CAPN6: variants seen among roughly 807,000 people sequenced by gnomAD.
CAPN6 encodes calpain-6.
Under a neutral mutation model 46.0 loss-of-function variants are expected in CAPN6, and 16 were observed. The ratio of observed to expected loss-of-function variants is 0.35; its 90% CI spans 0.24 to 0.53. CAPN6 has a LOEUF of 0.53. CAPN6 is among the 20% of genes least tolerant of loss of function. CAPN6 has a pLI of 0.94. For synonymous variants in CAPN6, 206 were observed against 172.8 expected, an observed-to-expected ratio of 1.19 and a Z score of -1.51; for missense variants, 461 against 498.0, an observed-to-expected ratio of 0.93 and a Z score of 0.71.
Position 111,248,688 on chromosome X carries a change from T to C in CAPN6, c.1365A>G (p.Thr455=), listed in dbSNP as rs772570297. The change falls in exon 10 of 13, where the codon ACA becomes ACG. Residue 455 remains threonine, a synonymous_variant. Transcript: ENST00000324068. ...TCTTCAGGTACTTGCTCAGAAACAC[T>C]GTGCGGGTGTCAATATAGGTGGAAG... The part of the protein sequence containing the change: ...AGTSTYIDTR[T]VFLSKYLKKG... 9.1e-6 allele frequency: 11 copies of C among 1,208,759 alleles called. No homozygotes were observed. Among genetic ancestry groups the C allele is most frequent in the Non-Finnish European group, 1.0e-5 (9 of 894,659 alleles).
intron 2 of CAPN6, among the ~76,000 whole-genome samples, chrX:111,255,409 A>C (rs1433905789): frequency 6.2e-5 from 7 of 112,344 alleles, no homozygotes; most frequent in Admixed American, 4.7e-4. Context: ...ATGACACTAC[A>C]TAGTTGAAGA....
At chrX:111,248,409 C>T (rs192862968) in intron 10 of CAPN6, among the ~76,000 whole-genome samples, 160 bp downstream of exon 10, 52 of 112,498 alleles carry the variant, frequency 4.6e-4, no homozygotes, top group African/African-American at 1.5e-3. Context: ...CCCCCAACCA[C>T]CCTTTGAGAA....
intron 2 of CAPN6, among the ~76,000 whole-genome samples, chrX:111,259,389 C>T (rs1408584798): frequency 8.9e-6 from 1 of 112,413 alleles, no homozygotes; most frequent in African/African-American, 3.2e-5. Context: ...GCCAAAACTA[C>T]TATACCTAGG....
chrX:111,251,449 T>A, intron 6 of CAPN6, 100 bp downstream of exon 6: 1 of 901,375 alleles, frequency 1.1e-6, no homozygotes, highest in East Asian at 3.1e-5. Context: ...AGCCCACAGA[T>A]GTCACTGAGC....
At chrX:111,260,126 C>G in intron 2 of CAPN6, among the ~76,000 whole-genome samples, 1 of 112,372 alleles carries the variant, frequency 8.9e-6, no homozygotes, top group South Asian at 3.7e-4. Context: ...GAACTTTCCT[C>G]TGGAGGGTAT....
At chrX:111,247,796 G>T in intron 11 of CAPN6, 75 bp downstream of exon 11, 1 of 1,113,652 alleles carries the variant, frequency 9.0e-7, no homozygotes, top group South Asian at 2.0e-5. Flanking sequence ...AAAATCATTT[G>T]TGATCATGTT....
At chrX:111,248,524 T>C (rs748876211) in intron 10 of CAPN6, 45 bp downstream of exon 10, 2 of 1,017,022 alleles carry the variant, frequency 2.0e-6, no homozygotes. Context: ...GGATTGGAAG[T>C]AAAGCAAAGA....
At position 111,252,391 on chromosome X, in the gene CAPN6, A is replaced by C; in HGVS notation, c.615T>G (p.Thr205=). The C allele has an allele frequency of 8.3e-7, 1 of 1,209,197 alleles. No individual in the cohort carries two copies. The highest frequency in any genetic ancestry group is 1.1e-6 in the Non-Finnish European group (1 of 893,132). Residue 205 remains threonine (T), a synonymous_variant, in exon 5 of 13, where the codon ACT becomes ACG. Transcript: ENST00000324068. ...ETVDMQKGRY[T]ELVEEKYKLF... ...GCTTGTACTTCTCCTCAACAAGCTC[A>C]GTGTATCTTCCTTTCTGCATGTCAA...
chrX:111,249,785 C>A (rs780030151), intron 8 of CAPN6, among the ~76,000 whole-genome samples: 8 of 107,382 alleles, frequency 7.5e-5, no homozygotes, highest in Non-Finnish European at 1.5e-4. Flanking sequence ...CCACTGCACT[C>A]CAGCCTGGGC....
At chrX:111,254,540 G>A (rs1416349973) in intron 2 of CAPN6, 137 bp from the exon 3 acceptor site, 6 of 438,221 alleles carry the variant, frequency 1.4e-5, no homozygotes, top group African/African-American at 9.8e-5. Context: ...CCATAGATGG[G>A]ATGAAGGGAA....
At chrX:111,253,468 A>C (rs965221763) in intron 3 of CAPN6, among the ~76,000 whole-genome samples, 3 of 112,559 alleles carry the variant, frequency 2.7e-5, no homozygotes, top group African/African-American at 9.7e-5. Context: ...GGCTGGGACA[A>C]CCAGTTAGTG....
intron 1 of CAPN6, 40 bp from the exon 2 acceptor site, chrX:111,263,991 C>T (rs1157603549): frequency 8.2e-6 from 8 of 970,070 alleles, no homozygotes; most frequent in East Asian, 3.3e-5. Context: ...GGAAGAATTT[C>T]TCAGGTCTTT....
chrX:111,267,432 G>A (rs181299937), intron 1 of CAPN6, among the ~76,000 whole-genome samples: 10 of 111,576 alleles, frequency 9.0e-5, no homozygotes, highest in Admixed American at 7.6e-4. Context: ...CGGGCCCAGA[G>A]TGCAGAAAGT....
In CAPN6 at chrX:111,248,981, C is replaced by T. The variant is rs139917382; in HGVS notation, c.1235G>A (p.Arg412Gln). 29 of 1,209,515 alleles carry T rather than the reference C, an allele frequency of 2.4e-5. No individual in the cohort carries two copies. The highest frequency in any genetic ancestry group is 1.1e-4 in the African/African-American group (6 of 57,103). The change falls in exon 9 of 13, where the codon CGA (arginine) becomes CAA (glutamine). Residue 412 changes from arginine (R) to glutamine (Q), a missense_variant. Coordinates refer to ENST00000324068, the MANE Select transcript of CAPN6 (RefSeq NM_014289.4). ...GATGTAATTGTCAGGTCTTCCCATT[C>T]GGCGGTAAGTGCGCAGGTCCTTCTG... ...LQQKDLRTYR[R>Q]MGRPDNYIIG...
Position 111,254,365 on chromosome X carries a change from A to C in CAPN6, c.204T>G (p.Ile68Met). 8.3e-7 allele frequency: 1 copy of C among 1,209,636 alleles called. No homozygotes were observed. The highest frequency in any genetic ancestry group is 1.1e-6 in the Non-Finnish European group (1 of 893,886). The part of the protein sequence containing the change: ...CDDPHLIVGN[I>M]SNHQLTQGRL... Reference sequence around the variant, plus strand: ...TCCCTTGGGTCAGCTGGTGGTTGCTAATGTTGCCCACAATCAGATGGGGGT... The same window carrying C: ...TCCCTTGGGTCAGCTGGTGGTTGCTCATGTTGCCCACAATCAGATGGGGGT... Residue 68 changes from isoleucine to methionine, a missense_variant, in exon 3 of 13, where the codon ATT becomes ATG. Physicochemically the swap from Ile to Met is conservative, Grantham distance 10. Coordinates refer to ENST00000324068, the MANE Select transcript of CAPN6 (RefSeq NM_014289.4).
chrX:111,246,886 T>C (rs1388009425), intron 12 of CAPN6, 127 bp from the exon 13 acceptor site: 6 of 524,546 alleles, frequency 1.1e-5, no homozygotes, highest in Admixed American at 8.3e-5. Flanking sequence ...TATTCTGTCC[T>C]TTCCTGATAG....
chrX:111,252,214 G>A (rs1007553419), intron 5 of CAPN6, 93 bp downstream of exon 5: 75 of 692,408 alleles, frequency 1.1e-4, no homozygotes, highest in Non-Finnish European at 1.5e-4. Context: ...GTTTTTCATG[G>A]GTCTTCGGGT....
Position 111,249,024 on chromosome X carries a change from C to G in CAPN6, c.1192G>C (p.Val398Leu), listed in dbSNP as rs754512849. 1.7e-6 allele frequency: 2 copies of G among 1,211,548 alleles called. No individual in the cohort carries two copies. Among genetic ancestry groups the G allele is most frequent in the East Asian group, 5.9e-5 (2 of 33,836 alleles). The change falls in exon 9 of 13, where the codon GTC (valine) becomes CTC (leucine). Residue 398 changes from valine (V) to leucine (L), a missense_variant. Coordinates refer to ENST00000324068, the MANE Select transcript of CAPN6 (RefSeq NM_014289.4). ...IFTVPEDGHK[V>L]IMSLQQKDLR... ...TCCTTCTGCTGCAGTGACATAATGA[C>G]CTTGTGCCCATCCTCAGGCACAGTG...
rs201824799 is a variant in CAPN6, at chrX:111,246,662, C to T, written c.1841G>A (p.Arg614His). 5.8e-6 allele frequency: 7 copies of T among 1,210,630 alleles called. No individual in the cohort carries two copies. The highest frequency in any genetic ancestry group is 3.0e-5 in the East Asian group (1 of 33,793). The stretch of plus-strand genomic sequence containing the variant: ...TTTGGCAGTTGGACCACCCTTCTTA[C>T]GCAGGTACAGAGACTTCAGATCACG... Reference protein sequence around the residue: ...DCRDLKSLYLRKKGGPTAKVK... With the variant: ...DCRDLKSLYLHKKGGPTAKVK... The change falls in exon 13 of 13, where the codon CGT becomes CAT. Residue 614 changes from arginine to histidine, a missense_variant. Physicochemically the swap from Arg to His is conservative, Grantham distance 29. Transcript: ENST00000324068.
Sources: gnomAD v4.1 joint callset for allele counts (sites outside exome capture counted in the v4.1 genomes callset) on GRCh38, gnomAD v4.1.1 for gene constraint, MANE v1.5 for transcripts, NCBI Gene and HGNC (gene_info 2026-07-23, HGNC 2026-07-21) for gene names.